Variants in GALNT13 observed in about 807,000 individuals in gnomAD.
GALNT13 encodes the protein UDP-GalNAc:polypeptide N-acetylgalactosaminyltransferase 13.
A neutral mutation model predicts 64.2 loss-of-function variants in GALNT13; 28 were observed. The ratio of observed to expected loss-of-function variants is 0.44; its 90% CI spans 0.32 to 0.60. The LOEUF (loss-of-function observed/expected upper bound fraction) is 0.60. GALNT13 is among the 20% of genes least tolerant of loss of function. The pLI is 0.05. For missense variants in GALNT13, 577 were observed against 669.8 expected (o/e 0.86, Z 1.53); for synonymous variants, 214 against 224.6 (o/e 0.95, Z 0.42).
At chr2:154,293,313 A>G (rs1336866992) in intron 8 of GALNT13, among the ~76,000 whole-genome samples, 1 of 152,164 alleles carries the variant, frequency 6.6e-6, no homozygotes, top group African/African-American at 2.4e-5. Flanking sequence ...AAGCTAATAG[A>G]CTATTATTTT....
chr2:153,112,415 T>C, the GALNT13 span, among the ~76,000 whole-genome samples: 7 of 152,118 alleles, frequency 4.6e-5, no homozygotes, highest in South Asian at 1.5e-3. Context: ...AGGCACTCTC[T>C]CTCCCACTGA....
At chr2:154,101,252 A>AT (rs1170924897) in intron 3 of GALNT13, among the ~76,000 whole-genome samples, 1 of 151,794 alleles carries the variant, frequency 6.6e-6, no homozygotes, top group Non-Finnish European at 1.5e-5. Flanking sequence ...TTCCTCCTCA[A>AT]TTTTTTTGGA....
At chr2:153,562,428 T>G in the GALNT13 span, among the ~76,000 whole-genome samples, 3 of 152,206 alleles carry the variant, frequency 2.0e-5, no homozygotes, top group Admixed American at 6.5e-5. Context: ...TGAACTTGTA[T>G]AATTCATACA....
At chr2:153,743,265 C>A in the GALNT13 span, among the ~76,000 whole-genome samples, 1 of 152,048 alleles carries the variant, frequency 6.6e-6, no homozygotes, top group East Asian at 1.9e-4. Context: ...TCTTCACATC[C>A]ATGGCAACAC....
At chr2:154,421,031 AT>A (rs1700226896) in intron 11 of GALNT13, among the ~76,000 whole-genome samples, 1 of 152,064 alleles carries the variant, frequency 6.6e-6, no homozygotes. Context: ...ATGAAAACTT[AT>A]TTTTTCAGAA....
chr2:153,913,168 T>A (rs1223469819), intron 2 of GALNT13, among the ~76,000 whole-genome samples: 1 of 152,104 alleles, frequency 6.6e-6, no homozygotes, highest in Non-Finnish European at 1.5e-5. Flanking sequence ...AAGCTGTCTG[T>A]TTTCCCTGCC....
At chr2:153,330,984 G>T in the GALNT13 span, among the ~76,000 whole-genome samples, 2 of 152,090 alleles carry the variant, frequency 1.3e-5, no homozygotes, top group Admixed American at 1.3e-4. Context: ...TTTTTATCAT[G>T]CAGGAATATT....
chr2:153,494,948 T>C, the GALNT13 span, among the ~76,000 whole-genome samples: 1 of 152,040 alleles, frequency 6.6e-6, no homozygotes, highest in Non-Finnish European at 1.5e-5. Flanking sequence ...GATGTAAAAA[T>C]GTCCAGTAAA....
chr2:153,948,718 G>T (rs1007076289), intron 3 of GALNT13, among the ~76,000 whole-genome samples: 8 of 152,104 alleles, frequency 5.3e-5, no homozygotes, highest in African/African-American at 1.9e-4. Flanking sequence ...CGTGGATGGA[G>T]CTGGAGGCAG....
At chr2:153,379,021 G>T in the GALNT13 span, among the ~76,000 whole-genome samples, 1 of 152,060 alleles carries the variant, frequency 6.6e-6, no homozygotes, top group Non-Finnish European at 1.5e-5. Flanking sequence ...CTCACTGAGA[G>T]AATTTTGACC....
intron 3 of GALNT13, among the ~76,000 whole-genome samples, chr2:153,986,498 G>C (rs1454216870): frequency 2.0e-5 from 3 of 151,846 alleles, no homozygotes; most frequent in Non-Finnish European, 4.4e-5. Context: ...TCACTACCTG[G>C]AGTCATGATT....
At chr2:154,449,274 T>C (rs529589696) in intron 12 of GALNT13, among the ~76,000 whole-genome samples, 2 of 151,930 alleles carry the variant, frequency 1.3e-5, no homozygotes, top group African/African-American at 4.8e-5. Flanking sequence ...AAACCTATTC[T>C]CCATTCCATC....
chr2:153,269,575 C>T, the GALNT13 span, among the ~76,000 whole-genome samples: 1 of 152,162 alleles, frequency 6.6e-6, no homozygotes, highest in Admixed American at 6.5e-5. Context: ...TCAACCTCTG[C>T]TTGTTACCGT....
chr2:154,122,245 C>T (rs544399862), intron 3 of GALNT13, among the ~76,000 whole-genome samples: 33 of 151,726 alleles, frequency 2.2e-4, no homozygotes, highest in Admixed American at 5.3e-4. Flanking sequence ...TTGAAATAAT[C>T]TTTTTTATTA....
At chr2:153,747,362 C>A in the GALNT13 span, among the ~76,000 whole-genome samples, 5 of 150,632 alleles carry the variant, frequency 3.3e-5, no homozygotes, top group Non-Finnish European at 7.4e-5. Context: ...GAAACCCTCA[C>A]TACCCTTCCC....
the GALNT13 span, among the ~76,000 whole-genome samples, chr2:153,543,616 T>C: frequency 6.6e-6 from 1 of 152,166 alleles, no homozygotes; most frequent in Non-Finnish European, 1.5e-5. Context: ...TGAGCCTTTT[T>C]TTCTTGGTTG....
At chr2:153,983,305 A>G (rs183173641) in intron 3 of GALNT13, among the ~76,000 whole-genome samples, 55 of 152,006 alleles carry the variant, frequency 3.6e-4, no homozygotes, top group South Asian at 1.7e-3. Context: ...TACTTACGGT[A>G]TGAAAATATT....
At chr2:153,699,765 C>T in the GALNT13 span, among the ~76,000 whole-genome samples, 66 of 152,216 alleles carry the variant, frequency 4.3e-4, no homozygotes, top group African/African-American at 1.4e-3. Context: ...TTCCTGGACA[C>T]ACACAACCTC....
the GALNT13 span, among the ~76,000 whole-genome samples, chr2:153,304,220 A>G: frequency 4.1e-5 from 6 of 145,292 alleles, no homozygotes; most frequent in South Asian, 2.2e-4. Context: ...CCAAGGGTCA[A>G]TAGAATGGGA....
Sources: allele counts gnomAD v4.1 joint callset (sites outside exome capture counted in the v4.1 genomes callset), GRCh38; gene constraint gnomAD v4.1.1; transcripts MANE v1.5; gene names NCBI Gene and HGNC (gene_info 2026-07-23, HGNC 2026-07-21).